LRRC8C: variants seen among roughly 807,000 people sequenced by gnomAD.
LRRC8C encodes the protein volume-regulated anion channel subunit LRRC8C.
Under a neutral mutation model 55.3 loss-of-function variants are expected in LRRC8C, and 20 were observed. The observed-to-expected ratio is 0.36, with a 90% CI of 0.25 to 0.53. LRRC8C has a LOEUF of 0.53. LRRC8C is among the 20% of genes least tolerant of loss of function. The probability of loss-of-function intolerance (pLI) is 0.92; values close to 1 mark genes in which losing one functional copy is unlikely to be tolerated. For missense variants in LRRC8C, 659 were observed against 951.4 expected (o/e 0.69, Z 4.04); for synonymous variants, 376 against 360.7 (o/e 1.04, Z -0.48).
At chr1:89,635,144 G>A (rs867327605) in intron 1 of LRRC8C, among the ~76,000 whole-genome samples, 3 of 152,114 alleles carry the variant, frequency 2.0e-5, no homozygotes, top group Non-Finnish European at 2.9e-5. Flanking sequence ...GAATGAAAAT[G>A]TTGCACTTTA....
At chr1:89,696,175 G>A (rs551986633) in intron 2 of LRRC8C, among the ~76,000 whole-genome samples, 4 of 152,298 alleles carry the variant, frequency 2.6e-5, no homozygotes, top group African/African-American at 7.2e-5. Flanking sequence ...TCTCCCAGAA[G>A]ACTTTGCAGG....
At chr1:89,659,062 TGTGTGTGTGTGTGTGTGTG>T (rs1657039727) in intron 1 of LRRC8C, among the ~76,000 whole-genome samples, 1 of 66,908 alleles carries the variant, frequency 1.5e-5, no homozygotes, top group Non-Finnish European at 3.1e-5. Context: ...TTTTTTTTTT[TGTGTGTGTGTGTGTGTGTG>T]TGTGTGTGTG....
intron 2 of LRRC8C, among the ~76,000 whole-genome samples, chr1:89,689,664 G>T (rs1383135334): frequency 6.6e-6 from 1 of 152,060 alleles, no homozygotes; most frequent in Non-Finnish European, 1.5e-5. Context: ...AAATCGGCCG[G>T]GCATGGTGGC....
the LRRC8C span, among the ~76,000 whole-genome samples, chr1:89,616,610 C>T: frequency 8.5e-5 from 13 of 152,100 alleles, no homozygotes; most frequent in Admixed American, 2.0e-4. Context: ...ACTTGAGTGT[C>T]GATAAATCTC....
chr1:89,647,239 A>T (rs1238407624), intron 1 of LRRC8C, among the ~76,000 whole-genome samples: 1 of 152,176 alleles, frequency 6.6e-6, no homozygotes, highest in South Asian at 2.1e-4. Context: ...TGCTACCTAG[A>T]TGCTATTATG....
At chr1:89,623,920 A>G in the LRRC8C span, among the ~76,000 whole-genome samples, 5 of 152,348 alleles carry the variant, frequency 3.3e-5, no homozygotes, top group Non-Finnish European at 7.3e-5. Context: ...CTTGGAAACT[A>G]AAATACTAGC....
chr1:89,709,163 C>T (rs1323551245), intron 2 of LRRC8C, among the ~76,000 whole-genome samples: 1 of 152,214 alleles, frequency 6.6e-6, no homozygotes, highest in Non-Finnish European at 1.5e-5. Context: ...ACAAAGCCAT[C>T]CTAGCGGAAG....
chr1:89,689,220 T>C (rs1657962030), intron 2 of LRRC8C, among the ~76,000 whole-genome samples: 1 of 152,168 alleles, frequency 6.6e-6, no homozygotes, highest in African/African-American at 2.4e-5. Context: ...CTGGACATGT[T>C]ACAGGCCTGA....
chr1:89,645,524 A>T (rs776361944), intron 1 of LRRC8C, among the ~76,000 whole-genome samples: 26 of 152,206 alleles, frequency 1.7e-4, no homozygotes, highest in African/African-American at 5.5e-4. Flanking sequence ...AAAGCACATT[A>T]TACCACAAGC....
intron 1 of LRRC8C, among the ~76,000 whole-genome samples, chr1:89,685,392 G>A (rs1396816131): frequency 6.6e-6 from 1 of 151,990 alleles, no homozygotes; most frequent in Admixed American, 6.6e-5. Context: ...TGGGATTACA[G>A]GCGTGAGCCA....
chr1:89,675,278 G>A (rs1657521209), intron 1 of LRRC8C, among the ~76,000 whole-genome samples: 1 of 152,170 alleles, frequency 6.6e-6, no homozygotes, highest in South Asian at 2.1e-4. Flanking sequence ...GTGACCCCTT[G>A]CCTTTTCAGA....
chr1:89,676,258 C>T (rs1385706348), intron 1 of LRRC8C: 1 of 152,152 alleles, frequency 6.6e-6, no homozygotes, highest in South Asian at 2.1e-4. Flanking sequence ...GTAGTCACAA[C>T]ATTTGGCCAT....
chr1:89,644,460 CTAT>C (rs1232978985), intron 1 of LRRC8C, among the ~76,000 whole-genome samples: 1 of 152,172 alleles, frequency 6.6e-6, no homozygotes, highest in Non-Finnish European at 1.5e-5. Flanking sequence ...CGAAACCCCA[CTAT>C]TTAAAGGCAT....
chr1:89,694,494 G>C (rs568720543), intron 2 of LRRC8C, among the ~76,000 whole-genome samples: 12 of 152,050 alleles, frequency 7.9e-5, no homozygotes, highest in Admixed American at 6.5e-4. Context: ...CTGTTGCGCA[G>C]GCTGCTTTGA....
the LRRC8C span, among the ~76,000 whole-genome samples, chr1:89,620,186 C>T: frequency 6.6e-6 from 1 of 152,134 alleles, no homozygotes; most frequent in Non-Finnish European, 1.5e-5. Context: ...TCCCTAAAGC[C>T]TCTATCATGA....
chr1:89,656,992 AG>A (rs1656963038), intron 1 of LRRC8C, among the ~76,000 whole-genome samples: 2 of 152,234 alleles, frequency 1.3e-5, no homozygotes, highest in African/African-American at 2.4e-5. Flanking sequence ...CAAAGTCACT[AG>A]CTAGTAGCCA....
intron 1 of LRRC8C, among the ~76,000 whole-genome samples, chr1:89,657,245 C>A (rs1002004591): frequency 1.3e-5 from 2 of 152,014 alleles, no homozygotes; most frequent in Admixed American, 1.3e-4. Flanking sequence ...ACATATATTG[C>A]CTTGGACTAA....
chr1:89,619,000 T>C, the LRRC8C span, among the ~76,000 whole-genome samples: 1 of 152,224 alleles, frequency 6.6e-6, no homozygotes. Context: ...TACGAGGTCC[T>C]CCCTACTCTG....
chr1:89,621,017 T>C, the LRRC8C span, among the ~76,000 whole-genome samples: 1 of 152,234 alleles, frequency 6.6e-6, no homozygotes. Context: ...ACTGAGTAGA[T>C]GTAACGTTGC....
Sources: allele counts gnomAD v4.1 joint callset (sites outside exome capture counted in the v4.1 genomes callset), GRCh38; gene constraint gnomAD v4.1.1; transcripts MANE v1.5; gene names NCBI Gene and HGNC (gene_info 2026-07-23, HGNC 2026-07-21).